Variants in PCDHA13 observed in about 807,000 individuals in gnomAD.
PCDHA13 encodes the protein protocadherin alpha 13, also known as protocadherin alpha-13.
In PCDHA13, 54 loss-of-function variants were observed where a neutral mutation model predicts 64.8. The ratio of observed to expected loss-of-function variants is 0.83; its 90% CI spans 0.67 to 1.04. The LOEUF (loss-of-function observed/expected upper bound fraction) is 1.04. Ranked by LOEUF, PCDHA13 falls within the 50% of genes least tolerant of loss-of-function variation. The pLI is 0.00. For missense variants in PCDHA13, 1,248 were observed against 1,254.3 expected (o/e 0.99, Z 0.08); for synonymous variants, 587 against 564.4 (o/e 1.04, Z -0.57).
chr5:140,900,437 C>T (rs1284375985), intron 1 of PCDHA13, among the ~76,000 whole-genome samples: 4 of 152,148 alleles, frequency 2.6e-5, no homozygotes, highest in African/African-American at 9.7e-5. Flanking sequence ...GCCACCACGG[C>T]CGGCTAATTT....
chr5:140,980,455 C>T (rs1412427414), intron 2 of PCDHA13, among the ~76,000 whole-genome samples: 1 of 152,086 alleles, frequency 6.6e-6, no homozygotes, highest in African/African-American at 2.4e-5. Context: ...CACGGTGAAA[C>T]CCTGTCTCTA....
At chr5:140,968,263 G>A (rs782272055) in intron 1 of PCDHA13, 20 of 1,613,978 alleles carry the variant, frequency 1.2e-5, no homozygotes, top group Middle Eastern at 3.3e-4. Flanking sequence ...CAGATGAAAA[G>A]GAGAATGCAG....
At chr5:140,918,640 G>C (rs2078789038) in intron 1 of PCDHA13, among the ~76,000 whole-genome samples, 1 of 152,132 alleles carries the variant, frequency 6.6e-6, no homozygotes, top group Admixed American at 6.5e-5. Flanking sequence ...TTCATAAATT[G>C]AAACCTAATT....
At chr5:140,958,796 T>C (rs2095443333) in intron 1 of PCDHA13, among the ~76,000 whole-genome samples, 2 of 152,182 alleles carry the variant, frequency 1.3e-5, no homozygotes, top group Admixed American at 6.5e-5. Context: ...TCTAGTAAAT[T>C]ATCACACCAT....
chr5:140,885,465 C>T (rs1363216895), intron 1 of PCDHA13, among the ~76,000 whole-genome samples: 1 of 152,144 alleles, frequency 6.6e-6, no homozygotes, highest in Non-Finnish European at 1.5e-5. Context: ...TAATGATGGG[C>T]AATCACTTTG....
At chr5:140,996,795 C>G (rs1554255407) in intron 3 of PCDHA13, among the ~76,000 whole-genome samples, 1 of 152,170 alleles carries the variant, frequency 6.6e-6, no homozygotes, top group East Asian at 1.9e-4. Flanking sequence ...CTCCCTACAT[C>G]CAATCATGCT....
chr5:140,967,111 T>G, intron 1 of PCDHA13: 1 of 1,612,990 alleles, frequency 6.2e-7, no homozygotes, highest in East Asian at 2.2e-5. Context: ...AGCAGCGGCC[T>G]CGCTGCCTGC....
intron 3 of PCDHA13, among the ~76,000 whole-genome samples, chr5:141,006,214 TTA>T (rs2098261511): frequency 6.6e-6 from 1 of 152,046 alleles, no homozygotes; most frequent in South Asian, 2.1e-4. Flanking sequence ...TCATTTTTTT[TTA>T]AATTTTTTAT....
intron 1 of PCDHA13, among the ~76,000 whole-genome samples, chr5:140,947,396 A>G (rs113635864): frequency 6.6e-6 from 1 of 151,710 alleles, no homozygotes; most frequent in Non-Finnish European, 1.5e-5. Flanking sequence ...CACTAAAAGT[A>G]GACTGTCTTG....
chr5:140,908,949 G>A (rs2074237561), intron 1 of PCDHA13, among the ~76,000 whole-genome samples: 1 of 152,144 alleles, frequency 6.6e-6, no homozygotes, highest in South Asian at 2.1e-4. Context: ...CTTCACCTTA[G>A]AAGGAATATC....
intron 1 of PCDHA13, among the ~76,000 whole-genome samples, chr5:140,891,848 C>T (rs2063280221): frequency 6.6e-6 from 1 of 152,158 alleles, no homozygotes; most frequent in East Asian, 1.9e-4. Flanking sequence ...ATGGAAGGAG[C>T]CTGTCCCTCT....
At chr5:140,922,135 C>T (rs550862927) in intron 1 of PCDHA13, among the ~76,000 whole-genome samples, 3 of 152,092 alleles carry the variant, frequency 2.0e-5, no homozygotes, top group African/African-American at 7.2e-5. Context: ...TGTCTCTTAT[C>T]CTCCATGAAA....
At chr5:140,972,101 A>C (rs114554334) in intron 1 of PCDHA13, among the ~76,000 whole-genome samples, 3,080 of 152,290 alleles carry the variant, frequency 0.02, 42 homozygotes, top group Middle Eastern at 0.075. Flanking sequence ...CTGGCATAGA[A>C]GCAGGTAACA....
At chr5:140,913,203 G>A (rs2076251339) in intron 1 of PCDHA13, among the ~76,000 whole-genome samples, 1 of 152,182 alleles carries the variant, frequency 6.6e-6, no homozygotes, top group African/African-American at 2.4e-5. Flanking sequence ...TGGCAGTGAA[G>A]CCAATGGGTC....
intron 3 of PCDHA13, among the ~76,000 whole-genome samples, chr5:141,000,365 C>G (rs1413548696): frequency 7.8e-5 from 1 of 12,832 alleles, no homozygotes; most frequent in Non-Finnish European, 1.3e-4. Flanking sequence ...CTCTCTGTCT[C>G]TCTCTCTCTC....
Position 140,884,020 on chromosome 5 carries a change from G to A in PCDHA13, c.1752G>A (p.Ser584=), listed in dbSNP as rs61734917. 5 of 1,613,174 alleles carry A rather than the reference G, an allele frequency of 3.1e-6. No homozygotes were observed. Among genetic ancestry groups the A allele is most frequent in the East Asian group, 2.2e-5 (1 of 44,882 alleles). Residue 584 remains serine, a synonymous_variant, in exon 1 of 4, where the codon TCG becomes TCA. Transcript: ENST00000289272. ...GGTVSELMPR[S]VGAGHVVAKV... ...CAGTGAGCGAGCTGATGCCGCGGTC[G>A]GTGGGTGCAGGCCACGTGGTGGCGA... is the stretch of plus-strand genomic sequence containing the variant.
At position 140,993,463 on chromosome 5, in the gene PCDHA13, CA is replaced by C. The variant is rs1563591979; in HGVS notation, c.2542+10901del. ...ATTCCTGTTCTCCTTCTTTCTTTCTCACACACACACACACACACACACACAC... is the reference window on the plus strand; with the variant it reads ...ATTCCTGTTCTCCTTCTTTCTTTCTCCACACACACACACACACACACACAC... On this transcript the variant is annotated intron_variant, in intron 3 of 3. Coordinates refer to ENST00000289272, the MANE Select transcript of PCDHA13 (RefSeq NM_018904.3). Among the ~76,000 whole-genome samples the C allele has an allele frequency of 9.6e-3, 73 of 7,582 alleles. 1 individual carries two copies. The highest frequency in any genetic ancestry group is 0.047 in the African/African-American group (71 of 1,514). 5.0% of individuals were successfully genotyped at this position (7,582 alleles called of 152,430 possible).
At chr5:140,991,988 C>T (rs1167776981) in intron 3 of PCDHA13, among the ~76,000 whole-genome samples, 1 of 151,478 alleles carries the variant, frequency 6.6e-6, no homozygotes, top group Non-Finnish European at 1.5e-5. Flanking sequence ...GCCTACCACC[C>T]GGTCTTTCAT....
intron 1 of PCDHA13, among the ~76,000 whole-genome samples, chr5:140,972,991 T>C (rs142551667): frequency 6.6e-6 from 1 of 152,222 alleles, no homozygotes; most frequent in Non-Finnish European, 1.5e-5. Context: ...GTAGATTCTG[T>C]GCATTTGTGG....
Sources: gnomAD v4.1 joint callset for allele counts (sites outside exome capture counted in the v4.1 genomes callset) on GRCh38, gnomAD v4.1.1 for gene constraint, MANE v1.5 for transcripts, NCBI Gene and HGNC (gene_info 2026-07-23, HGNC 2026-07-21) for gene names.